CDKL1: variants seen among roughly 807,000 people sequenced by gnomAD.
CDKL1 encodes the protein cyclin dependent kinase like 1, also known as cyclin-dependent kinase-like 1.
CDKL1 carries 41 observed loss-of-function variants against 42.0 expected under a neutral mutation model. The ratio of observed to expected loss-of-function variants is 0.98; its 90% CI spans 0.76 to 1.27. The LOEUF (loss-of-function observed/expected upper bound fraction) is 1.27. CDKL1 is among the 50% of genes most tolerant of loss of function. The pLI, the probability that CDKL1 is intolerant of heterozygous loss-of-function variation, is 0.00. For synonymous variants in CDKL1, 153 were observed against 158.6 expected (o/e 0.96, Z 0.26); for missense variants, 394 against 428.4 (o/e 0.92, Z 0.71).
At chr14:50,391,770 T>C (rs2139552294) in intron 2 of CDKL1, among the ~76,000 whole-genome samples, 1 of 152,184 alleles carries the variant, frequency 6.6e-6, no homozygotes, top group East Asian at 1.9e-4. Flanking sequence ...ATTCTCTCCC[T>C]CCTCCAACAT....
At chr14:50,377,617 G>A (rs201775753) in intron 2 of CDKL1, 30 of 1,352,128 alleles carry the variant, frequency 2.2e-5, no homozygotes, top group Middle Eastern at 2.1e-4. Flanking sequence ...TGGCAACAAG[G>A]ACCCCACTGC....
chr14:50,361,702 T>A (rs537967403), intron 2 of CDKL1, among the ~76,000 whole-genome samples: 1 of 152,132 alleles, frequency 6.6e-6, no homozygotes, highest in Admixed American at 6.5e-5. Context: ...GCACTGGGGG[T>A]GAAGTTTCAA....
In CDKL1 at chr14:50,335,700, A is replaced by G. The variant is rs184890900; in HGVS notation, c.739-1079T>C. The G allele has an allele frequency of 2.7e-5, 39 of 1,465,382 alleles. No homozygotes were observed. In the East Asian group the frequency reaches 9.0e-4, roughly 34 times the overall value. 90.8% of individuals were successfully genotyped at this position (1,465,382 alleles called of 1,614,324 possible). A position where few individuals can be genotyped will look rare whatever the true frequency, so the allele number is the denominator to read the frequency against. On this transcript the variant is annotated intron_variant, in intron 7 of 9. Coordinates refer to ENST00000395834, the MANE Select transcript of CDKL1 (RefSeq NM_004196.7). The stretch of plus-strand genomic sequence containing the variant: ...TGAGCAAAATAAGTGACTGCAGTGC[A>G]TTGTGTGTATAAAAGTGGCAGTGTG...
At chr14:50,332,197 T>C (rs774422728) in intron 9 of CDKL1, 65 bp downstream of exon 9, 44 of 1,614,036 alleles carry the variant, frequency 2.7e-5, no homozygotes, top group Non-Finnish European at 3.7e-5. Context: ...ACAACTGCCA[T>C]CCTCAAGTCT....
chr14:50,390,312 A>G (rs1021437506), intron 2 of CDKL1: 3 of 1,366,314 alleles, frequency 2.2e-6, no homozygotes, highest in Non-Finnish European at 9.8e-7. Context: ...GGGATCCCAC[A>G]GTGACACTGT....
chr14:50,326,911 C>A lies in CDKL1; in HGVS notation c.*3163G>T. 4.9e-6 allele frequency: 1 copy of A among 203,468 alleles called. No homozygotes were observed. The highest frequency in any genetic ancestry group is 8.7e-6 in the Non-Finnish European group (1 of 115,092). The allele number at this position is 203,468 out of a possible 1,614,324, so 12.6% of individuals were successfully genotyped here. The stretch of plus-strand genomic sequence containing the variant: ...TAAAAATTAGGCAGGCATGGTGGTG[C>A]ATACCTGTAATCTCAGATACTTGGG... On this transcript the variant is annotated 3_prime_UTR_variant, in exon 10 of 10. Coordinates refer to ENST00000395834, the MANE Select transcript of CDKL1 (RefSeq NM_004196.7).
chr14:50,374,613 C>G (rs114076237), intron 2 of CDKL1, among the ~76,000 whole-genome samples: 2,562 of 152,290 alleles, frequency 0.017, 75 homozygotes, highest in African/African-American at 0.058. Flanking sequence ...AATCCCATCT[C>G]ATTTGTCTAC....
In CDKL1 at chr14:50,375,206, A is replaced by C. The variant is rs534220022; in HGVS notation, c.169-16057T>G. Among the ~76,000 whole-genome samples, 3 of 152,336 alleles carry C rather than the reference A, an allele frequency of 2.0e-5. No individual in the cohort carries two copies. In the South Asian group the frequency reaches 6.2e-4, roughly 32 times the overall value. The stretch of plus-strand genomic sequence containing the variant: ...AGAAAATAATAAAGTGTTAAAACCC[A>C]AACCAAAGCAAACCCTACATTGATG... On this transcript the variant is annotated intron_variant, in intron 2 of 9. Transcript: ENST00000395834.
intron 3 of CDKL1, among the ~76,000 whole-genome samples, chr14:50,356,123 C>T (rs1425131365): frequency 1.3e-5 from 2 of 152,192 alleles, no homozygotes; most frequent in African/African-American, 4.8e-5. Flanking sequence ...TGGCACCAAG[C>T]AGGCTGGTAA....
At chr14:50,363,300 T>C in intron 2 of CDKL1, 1 of 178,360 alleles carries the variant, frequency 5.6e-6, no homozygotes, top group South Asian at 1.2e-4. Context: ...ATCTTAGAAC[T>C]GAGGGCACTC....
intron 2 of CDKL1, among the ~76,000 whole-genome samples, chr14:50,394,611 C>T (rs1429944924): frequency 1.3e-5 from 2 of 152,202 alleles, no homozygotes; most frequent in Non-Finnish European, 2.9e-5. Context: ...AGTAGCTCTT[C>T]CCTTGTCACA....
chr14:50,390,179 T>C (rs1355550596), intron 2 of CDKL1: 1 of 1,366,106 alleles, frequency 7.3e-7, no homozygotes, highest in Admixed American at 1.9e-5. Flanking sequence ...TTGTTTTTCT[T>C]GTTTTCTGGA....
intron 2 of CDKL1, among the ~76,000 whole-genome samples, chr14:50,383,163 G>A (rs557977714): frequency 8.6e-5 from 13 of 152,002 alleles, no homozygotes; most frequent in Non-Finnish European, 1.6e-4. Context: ...TCCTGACCTC[G>A]TGATCCATCT....
chr14:50,396,364 G>A (rs1434156998), intron 1 of CDKL1, 35 bp from the exon 2 acceptor site: 1 of 985,872 alleles, frequency 1.0e-6, no homozygotes, highest in Non-Finnish European at 1.2e-6. Flanking sequence ...GGAATGAAGA[G>A]TGTACCCGTG....
intron 2 of CDKL1, among the ~76,000 whole-genome samples, chr14:50,383,205 G>A (rs2034972633): frequency 6.6e-6 from 1 of 152,010 alleles, no homozygotes; most frequent in East Asian, 2.0e-4. Context: ...GGAATTACAG[G>A]TGTGAGCCAC....
At position 50,386,372 on chromosome 14, in the gene CDKL1, TA is replaced by T. The variant is rs566208191; in HGVS notation, c.168+9328del. ...TCACTTGAGCCCAGGATTTCAAGAA[TA>T]CAGTGAGCCATGACTGTGCCACTGC... On this transcript the variant is annotated intron_variant, in intron 2 of 9. Transcript: ENST00000395834. 1.6e-4 allele frequency among the ~76,000 whole-genome samples: 24 copies of T among 152,188 alleles called. No homozygotes were observed. In the East Asian group the frequency reaches 4.6e-3, roughly 29 times the overall value.
chr14:50,375,851 G>T lies in CDKL1; in HGVS notation c.169-16702C>A, dbSNP rs1335548792. Among the ~76,000 whole-genome samples, 8 of 152,200 alleles carry T rather than the reference G, an allele frequency of 5.3e-5. 1 individual carries two copies. In the Middle Eastern group the frequency reaches 0.02, roughly 388 times the overall value. ...GATAGTATGTACACTTGATGGGATG[G>T]GACGTGGTCTTCTAGCCCATAACCC... On this transcript the variant is annotated intron_variant, in intron 2 of 9. Coordinates refer to ENST00000395834, the MANE Select transcript of CDKL1 (RefSeq NM_004196.7).
At chr14:50,368,547 A>G (rs915375780) in intron 2 of CDKL1, among the ~76,000 whole-genome samples, 76 of 152,008 alleles carry the variant, frequency 5.0e-4, no homozygotes, top group African/African-American at 1.7e-3. Flanking sequence ...TATGGGCGTG[A>G]GCCACTGTAC....
chr14:50,385,356 C>T (rs1234891943), intron 2 of CDKL1, among the ~76,000 whole-genome samples: 2 of 152,176 alleles, frequency 1.3e-5, no homozygotes, highest in African/African-American at 4.8e-5. Flanking sequence ...AACATTTAAC[C>T]TGTATCAAAT....
Sources: allele counts gnomAD v4.1 joint callset (sites outside exome capture counted in the v4.1 genomes callset), GRCh38; gene constraint gnomAD v4.1.1; transcripts MANE v1.5; gene names NCBI Gene and HGNC (gene_info 2026-07-23, HGNC 2026-07-21).